GABRG3: variants seen among roughly 807,000 people sequenced by gnomAD.
GABRG3 encodes gamma-aminobutyric acid receptor subunit gamma-3.
A neutral mutation model predicts 48.8 loss-of-function variants in GABRG3; 25 were observed. That is an observed-to-expected ratio of 0.51 (90% confidence interval 0.37 to 0.72). The LOEUF is 0.72. Ranked by LOEUF, GABRG3 falls within the 30% of genes least tolerant of loss-of-function variation. GABRG3 has a pLI of 0.00. For synonymous variants in GABRG3, 227 were observed against 217.6 expected (o/e 1.04, Z -0.38); for missense variants, 394 against 577.9 (o/e 0.68, Z 3.26).
chr15:27,127,332 T>C (rs1897838484), intron 3 of GABRG3, among the ~76,000 whole-genome samples: 1 of 151,664 alleles, frequency 6.6e-6, no homozygotes, highest in Non-Finnish European at 1.5e-5. Context: ...TTATGCTAAG[T>C]AAAATAAGCC....
intron 3 of GABRG3, among the ~76,000 whole-genome samples, chr15:27,278,509 A>G (rs1198035285): frequency 1.3e-5 from 2 of 152,050 alleles, no homozygotes; most frequent in African/African-American, 4.8e-5. Flanking sequence ...GGACACCACT[A>G]ATGTGTGCTC....
Position 26,976,959 on chromosome 15 carries a change from A to G in GABRG3, c.54-43A>G, listed in dbSNP as rs747907890. 91 of 1,612,120 alleles carry G rather than the reference A, an allele frequency of 5.6e-5. No individual in the cohort carries two copies. The highest frequency in any genetic ancestry group is 5.0e-4 in the Middle Eastern group (3 of 6,056). On this transcript the variant is annotated intron_variant, in intron 1 of 9. Coordinates refer to ENST00000615808, the MANE Select transcript of GABRG3 (RefSeq NM_033223.5). The surrounding 1 kb of genome is among the most constrained non-coding windows in gnomAD (Gnocchi z 7.8). ...ACAAACTTAGGCTCTTCCTAGAGCCATTGCTGCCACTTATATGTCGCATTT... is the reference window on the plus strand; with the variant it reads ...ACAAACTTAGGCTCTTCCTAGAGCCGTTGCTGCCACTTATATGTCGCATTT...
intron 6 of GABRG3, chr15:27,481,376 T>A: frequency 3.3e-6 from 2 of 604,898 alleles, no homozygotes; most frequent in Non-Finnish European, 4.1e-6. Context: ...TTGTCTTATG[T>A]CTTATGTTGT....
At chr15:26,991,197 C>A (rs1388404495) in intron 2 of GABRG3, among the ~76,000 whole-genome samples, 1 of 152,166 alleles carries the variant, frequency 6.6e-6, no homozygotes, top group Non-Finnish European at 1.5e-5. Flanking sequence ...GTCTTATATT[C>A]TCAGCACCTT....
intron 6 of GABRG3, among the ~76,000 whole-genome samples, chr15:27,494,565 T>A (rs1232832806): frequency 6.6e-6 from 1 of 152,210 alleles, no homozygotes; most frequent in Non-Finnish European, 1.5e-5. Context: ...TTAAGTGAAC[T>A]AGGGCAGTTT....
In GABRG3 at chr15:27,480,769, A is replaced by G. The variant is rs368580825; in HGVS notation, c.694A>G (p.Ile232Val). 302 of 1,613,726 alleles carry G rather than the reference A, an allele frequency of 1.9e-4. No homozygotes were observed. Among genetic ancestry groups the G allele is most frequent in the Non-Finnish European group, 2.5e-4 (299 of 1,179,846 alleles). Reference protein sequence around the residue: ...DFMGLRNTTEIVTTSAGDYVV... With the variant: ...DFMGLRNTTEVVTTSAGDYVV... The stretch of plus-strand genomic sequence containing the variant: ...CATGGGCCTCAGAAACACCACAGAA[A>G]TCGTGACAACGTCTGCAGGTAGGAA... Residue 232 changes from isoleucine to valine, a missense_variant, in exon 6 of 10, where the codon ATC becomes GTC. Transcript: ENST00000615808.
At position 27,346,163 on chromosome 15, in the gene GABRG3, A is replaced by G. The variant is rs534593002; in HGVS notation, c.574+17275A>G. ...AAAGAAAGAAGGAAAAAGAAATTCTATATTTCTCTTTTGAGGGATAATTTA... is the reference window on the plus strand; with the variant it reads ...AAAGAAAGAAGGAAAAAGAAATTCTGTATTTCTCTTTTGAGGGATAATTTA... On this transcript the variant is annotated intron_variant, in intron 5 of 9. Transcript: ENST00000615808. Among the ~76,000 whole-genome samples the G allele has an allele frequency of 1.2e-4, 19 of 152,200 alleles. 1 individual carries two copies. The East Asian group carries it at 1.9e-3, about 15-fold the overall frequency.
chr15:27,282,968 T>C (rs922528145), intron 3 of GABRG3, among the ~76,000 whole-genome samples: 2 of 152,180 alleles, frequency 1.3e-5, no homozygotes, highest in South Asian at 2.1e-4. Flanking sequence ...CTTGGCTCCC[T>C]CTGACACCTG....
chr15:27,257,189 C>G (rs1404515014), intron 3 of GABRG3, among the ~76,000 whole-genome samples: 1 of 151,206 alleles, frequency 6.6e-6, no homozygotes, highest in East Asian at 1.9e-4. Flanking sequence ...TTTTAATAAA[C>G]CTGTTGGCCA....
intron 3 of GABRG3, among the ~76,000 whole-genome samples, chr15:27,305,581 CAT>C (rs560969777): frequency 3.1e-4 from 43 of 138,758 alleles, no homozygotes; most frequent in African/African-American, 1.0e-3. Flanking sequence ...TATATATAAA[CAT>C]ATATATAATA....
rs1473391787 is a variant in GABRG3, at chr15:27,307,762, A to AC, written c.271-19047_271-19046insC. On this transcript the variant is annotated intron_variant, in intron 3 of 9. Coordinates refer to ENST00000615808, the MANE Select transcript of GABRG3 (RefSeq NM_033223.5). ...TCATAGGTTTATATATAAACATATA[A>AC]AATAAACATATGTTTATATATAAAC... is the stretch of plus-strand genomic sequence containing the variant. Among the ~76,000 whole-genome samples the AC allele has an allele frequency of 4.8e-4, 63 of 130,734 alleles. No individual in the cohort carries two copies. The South Asian group carries it at 0.015, about 30-fold the overall frequency. The allele number at this position is 130,734 out of a possible 152,430, so 85.8% of individuals were successfully genotyped here.
At position 27,094,757 on chromosome 15, in the gene GABRG3, C is replaced by T. The variant is rs184254450; in HGVS notation, c.270+67936C>T. Among the ~76,000 whole-genome samples the T allele has an allele frequency of 7.2e-5, 11 of 152,160 alleles. No individual in the cohort carries two copies. The East Asian group carries it at 2.1e-3, about 29-fold the overall frequency. Reference sequence around the variant, plus strand: ...ACTTTTATGCTTTGTGCAGCATAAACTCAAAAGATTTGCTTTTCTGATTAC... The same window carrying T: ...ACTTTTATGCTTTGTGCAGCATAAATTCAAAAGATTTGCTTTTCTGATTAC... On this transcript the variant is annotated intron_variant, in intron 3 of 9. Transcript: ENST00000615808.
chr15:27,191,233 A>G, intron 3 of GABRG3, among the ~76,000 whole-genome samples: 1 of 152,122 alleles, frequency 6.6e-6, no homozygotes, highest in Non-Finnish European at 1.5e-5. Flanking sequence ...GTAGATGTCT[A>G]TTAGGTCAGC....
At position 27,284,048 on chromosome 15, in the gene GABRG3, G is replaced by A. The variant is rs533446911; in HGVS notation, c.271-42761G>A. Among the ~76,000 whole-genome samples, 11 of 152,198 alleles carry A rather than the reference G, an allele frequency of 7.2e-5. No individual in the cohort carries two copies. In the East Asian group the frequency reaches 1.7e-3, roughly 24 times the overall value. On this transcript the variant is annotated intron_variant, in intron 3 of 9. Transcript: ENST00000615808. ...CTCATCTGTAACCTGGGGTGCAAGG[G>A]GGGAGGCAGAGTACAGGCTCTGTAA...
chr15:27,069,700 C>T (rs181024792), intron 3 of GABRG3, among the ~76,000 whole-genome samples: 1 of 152,224 alleles, frequency 6.6e-6, no homozygotes, highest in East Asian at 1.9e-4. Flanking sequence ...CTGGATCTTC[C>T]AAATGTTACA....
intron 5 of GABRG3, among the ~76,000 whole-genome samples, chr15:27,459,126 C>G (rs1221729276): frequency 6.6e-6 from 1 of 152,226 alleles, no homozygotes; most frequent in Non-Finnish European, 1.5e-5. Flanking sequence ...GTTTCCTGCC[C>G]TCTGTCTCAA....
intron 5 of GABRG3, among the ~76,000 whole-genome samples, chr15:27,418,415 C>T (rs1888007797): frequency 6.6e-6 from 1 of 152,200 alleles, no homozygotes; most frequent in African/African-American, 2.4e-5. Context: ...CCCCTTTGCA[C>T]CTGAGCTCCT....
At chr15:27,307,029 C>A (rs1892570548) in intron 3 of GABRG3, among the ~76,000 whole-genome samples, 1 of 109,642 alleles carries the variant, frequency 9.1e-6, no homozygotes, top group African/African-American at 4.5e-5. Context: ...TATATATAAA[C>A]ATGTATAAAA....
chr15:27,456,844 A>G (rs1165226298), intron 5 of GABRG3, among the ~76,000 whole-genome samples: 1 of 152,126 alleles, frequency 6.6e-6, no homozygotes, highest in Non-Finnish European at 1.5e-5. Flanking sequence ...GAGGAGCCCA[A>G]AGTCCTCAGA....
Sources: allele counts gnomAD v4.1 joint callset (sites outside exome capture counted in the v4.1 genomes callset), GRCh38; gene constraint gnomAD v4.1.1; non-coding constraint Gnocchi (gnomAD v3.1); transcripts MANE v1.5; gene names NCBI Gene and HGNC (gene_info 2026-07-23, HGNC 2026-07-21).